Variants in HAUS1 observed in about 807,000 individuals in gnomAD.
The protein encoded by HAUS1 is HAUS augmin-like complex subunit 1.
HAUS1 carries 25 observed loss-of-function variants against 38.6 expected under a neutral mutation model. The ratio of observed to expected loss-of-function variants is 0.65; its 90% CI spans 0.47 to 0.91. The LOEUF is 0.91. Ranked by LOEUF, HAUS1 falls within the 40% of genes least tolerant of loss-of-function variation. HAUS1 has a pLI of 0.00. For synonymous variants in HAUS1, 109 were observed against 112.9 expected, an observed-to-expected ratio of 0.97 and a Z score of 0.22; for missense variants, 325 against 328.4, an observed-to-expected ratio of 0.99 and a Z score of 0.08.
chr18:46,118,535 G>C (rs1210808883), intron 3 of HAUS1: 2 of 502,738 alleles, frequency 4.0e-6, no homozygotes, highest in African/African-American at 1.9e-5. Flanking sequence ...TTTATGAAGG[G>C]TGGTTCTCAT....
At chr18:46,105,546 ATG>A (rs1911442401) in intron 2 of HAUS1, 178 bp downstream of exon 2, 4 of 478,624 alleles carry the variant, frequency 8.4e-6, no homozygotes, top group South Asian at 2.7e-5. Flanking sequence ...ATATATGTAT[ATG>A]TATGTGTGTG....
intron 5 of HAUS1, 142 bp from the exon 6 acceptor site, chr18:46,123,157 G>A (rs895059315): frequency 6.7e-6 from 4 of 594,524 alleles, no homozygotes; most frequent in Non-Finnish European, 1.2e-5. Flanking sequence ...TTTGCAGAGA[G>A]CCGAGATCGC....
In HAUS1 at chr18:46,105,303, G is replaced by A. The variant is rs909177607; in HGVS notation, c.140G>A (p.Arg47Gln). The A allele has an allele frequency of 1.7e-5, 28 of 1,613,412 alleles. No homozygotes were observed. Among genetic ancestry groups the A allele is most frequent in the East Asian group, 6.7e-5 (3 of 44,880 alleles). ...LHHLSERNRV[R>Q]DRDVYLVIED... ...CACCTTTCAGAACGCAACAGGGTCC[G>A]GGACAGGGATGTCTACCTGGTAATA... Residue 47 changes from arginine to glutamine, a missense_variant, in exon 2 of 9, where the codon CGG becomes CAG. Coordinates refer to ENST00000282058, the MANE Select transcript of HAUS1 (RefSeq NM_138443.4).
chr18:46,127,751 A>G (rs1011649031), intron 8 of HAUS1, among the ~76,000 whole-genome samples: 1 of 151,560 alleles, frequency 6.6e-6, no homozygotes, highest in Non-Finnish European at 1.5e-5. Context: ...TGTGAGTGAC[A>G]TTGTGGAAGC....
chr18:46,105,772 G>C (rs1911456094), intron 2 of HAUS1, among the ~76,000 whole-genome samples: 1 of 152,096 alleles, frequency 6.6e-6, no homozygotes, highest in East Asian at 1.9e-4. Context: ...GTAAAGACAG[G>C]GTTTCACAAT....
intron 2 of HAUS1, among the ~76,000 whole-genome samples, chr18:46,105,592 G>GTGTATA (rs796714516): frequency 4.3e-4 from 62 of 145,042 alleles, no homozygotes; most frequent in Admixed American, 1.3e-3. Context: ...GTGTGTGTGT[G>GTGTATA]TATATATTTT....
intron 2 of HAUS1, among the ~76,000 whole-genome samples, chr18:46,111,254 G>A (rs534296729): frequency 1.8e-3 from 267 of 152,152 alleles, no homozygotes; most frequent in Non-Finnish European, 2.5e-3. Context: ...GATTTGTTGA[G>A]CTTCCTGAAT....
chr18:46,122,504 A>G lies in HAUS1; in HGVS notation c.514A>G (p.Arg172Gly). Residue 172 changes from arginine (R) to glycine (G), a missense_variant, in exon 5 of 9, where the codon AGG becomes GGG. Transcript: ENST00000282058. ...AGCAGAGTTGCATCTGTCTACAGAA[A>G]GGGCCAAAGTTGATAATCGTCGTCA... Reference protein sequence around the residue: ...KKAELHLSTERAKVDNRRQNM... With the variant: ...KKAELHLSTEGAKVDNRRQNM... 1 of 1,614,036 alleles carries G rather than the reference A, an allele frequency of 6.2e-7. No homozygotes were observed.
At chr18:46,111,589 T>C (rs1911635304) in intron 2 of HAUS1, among the ~76,000 whole-genome samples, 1 of 152,170 alleles carries the variant, frequency 6.6e-6, no homozygotes, top group Non-Finnish European at 1.5e-5. Flanking sequence ...CCCAAAGTGC[T>C]AGGATTACAG....
rs1331486005 is a variant in HAUS1, at chr18:46,125,773, A to G, written c.768A>G (p.Glu256=). 1.9e-6 allele frequency: 3 copies of G among 1,604,008 alleles called. No individual in the cohort carries two copies. Among genetic ancestry groups the G allele is most frequent in the Non-Finnish European group, 2.6e-6 (3 of 1,173,404 alleles). The part of the protein sequence containing the change: ...PNPSLAQVKI[E]EAKRELDSIE... ...CGTCTCTTGCTCAAGTGAAAATTGA[A>G]GAAGCAAAGCGAGAACTAGTAAGTA... The change falls in exon 8 of 9, where the codon GAA becomes GAG. Residue 256 remains glutamate, a synonymous_variant. Coordinates refer to ENST00000282058, the MANE Select transcript of HAUS1 (RefSeq NM_138443.4).
rs1232871805 is a variant in HAUS1, at chr18:46,124,798, G to A, written c.667-24G>A. On this transcript the variant is annotated intron_variant, in intron 6 of 8. Transcript: ENST00000282058. ...GCATTGTGAATGTTTCTATTACTCT[G>A]TGACTGTGTTCTTTTACCCCCAGAA... 3 of 1,452,994 alleles carry A rather than the reference G, an allele frequency of 2.1e-6. No homozygotes were observed. The South Asian group carries it at 3.5e-5, about 17-fold the overall frequency. The allele number at this position is 1,452,994 out of a possible 1,614,324, so 90.0% of individuals were successfully genotyped here. A position where few individuals can be genotyped will look rare whatever the true frequency, so the allele number is the denominator to read the frequency against.
chr18:46,104,513 G>A, intron 1 of HAUS1, 72 bp downstream of exon 1: 1 of 1,296,828 alleles, frequency 7.7e-7, no homozygotes, highest in South Asian at 1.7e-5. Flanking sequence ...CCGACAGCGG[G>A]TCTCCTGTGC....
chr18:46,128,104 A>G lies in HAUS1; in HGVS notation c.816A>G (p.Arg272=). ...GCATTGAAGCTGAACTTACAAGAAG[A>G]GTAGACATGATGGAACTGTGACAAA... The part of the protein sequence containing the change: ...LDSIEAELTR[R]VDMMEL The change falls in exon 9 of 9, where the codon AGA becomes AGG. Residue 272 remains arginine (R), a synonymous_variant. Transcript: ENST00000282058. 2.5e-6 allele frequency: 4 copies of G among 1,590,700 alleles called. No homozygotes were observed. The highest frequency in any genetic ancestry group is 3.4e-6 in the Non-Finnish European group (4 of 1,171,108).
chr18:46,112,442 A>G (rs866717482), intron 2 of HAUS1, among the ~76,000 whole-genome samples: 8 of 40,602 alleles, frequency 2.0e-4, no homozygotes, highest in African/African-American at 1.0e-3. Context: ...AATATATATA[A>G]TGTGTATATA....
chr18:46,118,134 T>A (rs1475731551), intron 2 of HAUS1, 47 bp from the exon 3 acceptor site: 1 of 1,601,386 alleles, frequency 6.2e-7, no homozygotes, highest in Non-Finnish European at 8.5e-7. Flanking sequence ...CTGTTAAAAA[T>A]TTTTAAAAAA....
intron 2 of HAUS1, among the ~76,000 whole-genome samples, chr18:46,111,788 C>G (rs1251658832): frequency 2.0e-5 from 3 of 151,486 alleles, no homozygotes; most frequent in Non-Finnish European, 2.9e-5. Flanking sequence ...TCACTTCTTT[C>G]TCTTTTCTCT....
intron 2 of HAUS1, among the ~76,000 whole-genome samples, chr18:46,117,788 C>T (rs575206494): frequency 2.1e-4 from 32 of 151,670 alleles, no homozygotes; most frequent in Middle Eastern, 3.4e-3. Context: ...ACTAAAAATA[C>T]AAAAAAAATT....
intron 2 of HAUS1, among the ~76,000 whole-genome samples, chr18:46,113,945 G>A (rs571645358): frequency 1.0e-3 from 158 of 152,280 alleles, no homozygotes; most frequent in African/African-American, 3.3e-3. Context: ...AGGTCACTCT[G>A]AGTTGACAGT....
intron 4 of HAUS1, among the ~76,000 whole-genome samples, chr18:46,120,572 T>C (rs955088198): frequency 6.6e-6 from 1 of 151,808 alleles, no homozygotes; most frequent in Non-Finnish European, 1.5e-5. Flanking sequence ...TTTTACTTCA[T>C]ACAATTTCTT....
Sources: allele counts gnomAD v4.1 joint callset (sites outside exome capture counted in the v4.1 genomes callset), GRCh38; gene constraint gnomAD v4.1.1; transcripts MANE v1.5; gene names NCBI Gene and HGNC (gene_info 2026-07-23, HGNC 2026-07-21).